KATNIP: variants seen among roughly 807,000 people sequenced by gnomAD.
The protein encoded by KATNIP is katanin-interacting protein.
A neutral mutation model predicts 174.0 loss-of-function variants in KATNIP; 126 were observed. The ratio of observed to expected loss-of-function variants is 0.72; its 90% confidence interval spans 0.63 to 0.84. The LOEUF (loss-of-function observed/expected upper bound fraction) is 0.84, where lower values mean the gene tolerates loss of function less well. Ranked by LOEUF, KATNIP falls within the 40% of genes least tolerant of loss-of-function variation. The pLI, the probability that KATNIP is intolerant of heterozygous loss-of-function variation, is 0.00. For missense variants in KATNIP, 1,958 were observed against 2,109.7 expected, an observed-to-expected ratio of 0.93 and a Z score of 1.41; for synonymous variants, 810 against 835.7, an observed-to-expected ratio of 0.97 and a Z score of 0.53.
intron 13 of KATNIP, among the ~76,000 whole-genome samples, chr16:27,720,887 C>T (rs2080202561): frequency 6.6e-6 from 1 of 152,174 alleles, no homozygotes; most frequent in East Asian, 1.9e-4. Context: ...GAAAAGTCCC[C>T]TGGTTTGGGT....
At chr16:27,651,072 A>G (rs1219363548) in intron 6 of KATNIP, among the ~76,000 whole-genome samples, 1 of 152,162 alleles carries the variant, frequency 6.6e-6, no homozygotes, top group African/African-American at 2.4e-5. Context: ...GCAAGAGGCC[A>G]TGGTAGTTTG....
At chr16:27,608,165 A>T (rs72786404) in intron 2 of KATNIP, among the ~76,000 whole-genome samples, 1 of 150,940 alleles carries the variant, frequency 6.6e-6, no homozygotes, top group Non-Finnish European at 1.5e-5. Context: ...TTGGCATTTC[A>T]TTCCAATTCT....
At chr16:27,628,939 G>A (rs1456815960) in intron 4 of KATNIP, 109 bp downstream of exon 4, 7 of 1,155,458 alleles carry the variant, frequency 6.1e-6, no homozygotes, top group South Asian at 2.8e-5. Flanking sequence ...AGGCTGAGGC[G>A]GGTGGATCAC....
intron 8 of KATNIP, among the ~76,000 whole-genome samples, chr16:27,686,313 G>A (rs2078521801): frequency 6.6e-6 from 1 of 152,154 alleles, no homozygotes; most frequent in African/African-American, 2.4e-5. Flanking sequence ...TATCTTCTAA[G>A]GGAATTGAAC....
intron 6 of KATNIP, among the ~76,000 whole-genome samples, chr16:27,658,614 G>A (rs1276686351): frequency 6.6e-6 from 1 of 152,026 alleles, no homozygotes; most frequent in Non-Finnish European, 1.5e-5. Flanking sequence ...TGGAAGGTGG[G>A]GTCTGCCCTT....
chr16:27,628,839 A>G lies in KATNIP; in HGVS notation c.310+9A>G. The G allele has an allele frequency of 6.2e-7, 1 of 1,613,564 alleles. No homozygotes were observed. The highest frequency in any genetic ancestry group is 8.5e-7 in the Non-Finnish European group (1 of 1,179,730). On this transcript the variant is annotated intron_variant, in intron 4 of 27. Coordinates refer to ENST00000261588, the MANE Select transcript of KATNIP (RefSeq NM_015202.5). ...CACGGAGGGGACACACGGTGAGCAC[A>G]GGCCCTCCAGGCTGAGTCTCAGCTC...
intron 9 of KATNIP, 103 bp from the exon 10 acceptor site, chr16:27,699,431 C>T (rs777816011): frequency 2.0e-5 from 31 of 1,532,214 alleles, no homozygotes; most frequent in African/African-American, 2.7e-5. Context: ...TCTATGGTAG[C>T]TTGAGAAGGT....
rs765324919 is a variant in KATNIP, at chr16:27,704,003, G to A, written c.1389+5G>A. On this transcript the variant is annotated splice_donor_5th_base_variant and intron_variant, in intron 12 of 27. Coordinates refer to ENST00000261588, the MANE Select transcript of KATNIP (RefSeq NM_015202.5). Reference sequence around the variant, plus strand: ...GAGCAAGTATCAGACACAGAGGTGAGAGCCTTGACTTGATTTTCAGTTGTA... The same window carrying A: ...GAGCAAGTATCAGACACAGAGGTGAAAGCCTTGACTTGATTTTCAGTTGTA... 6.2e-7 allele frequency: 1 copy of A among 1,610,970 alleles called. No homozygotes were observed. Among genetic ancestry groups the A allele is most frequent in the Non-Finnish European group, 8.5e-7 (1 of 1,177,100 alleles).
intron 6 of KATNIP, among the ~76,000 whole-genome samples, chr16:27,659,365 C>T (rs2077394761): frequency 6.6e-6 from 1 of 151,882 alleles, no homozygotes; most frequent in Non-Finnish European, 1.5e-5. Context: ...TTAAAATTAG[C>T]TGGGCATGCT....
In KATNIP at chr16:27,616,887, T is replaced by TAAAA. The variant is rs556687403; in HGVS notation, c.64-1503_64-1500dup. On this transcript the variant is annotated intron_variant, in intron 2 of 27. Coordinates refer to ENST00000261588, the MANE Select transcript of KATNIP (RefSeq NM_015202.5). ...CAACATAGTGAGATGCCATCTCTAC[T>TAAAA]AAAAAAAAAAAAAAAAAAAAAAAAA... 4.1e-4 allele frequency among the ~76,000 whole-genome samples: 13 copies of TAAAA among 31,428 alleles called. 2 individuals are homozygous for TAAAA. Among genetic ancestry groups the TAAAA allele is most frequent in the Non-Finnish European group, 5.7e-4 (11 of 19,214 alleles). The allele number at this position is 31,428 out of a possible 152,430, so 20.6% of individuals were successfully genotyped here.
chr16:27,567,670 C>A (rs369286408), intron 1 of KATNIP, among the ~76,000 whole-genome samples: 23 of 152,308 alleles, frequency 1.5e-4, no homozygotes, highest in African/African-American at 3.6e-4. Context: ...ATTACAGGCA[C>A]CTGCCACCAC....
chr16:27,557,017 T>G (rs1191550205), intron 1 of KATNIP, among the ~76,000 whole-genome samples: 1 of 152,192 alleles, frequency 6.6e-6, no homozygotes, highest in Non-Finnish European at 1.5e-5. Flanking sequence ...ATTCATTCCA[T>G]GATTCAACAT....
intron 3 of KATNIP, among the ~76,000 whole-genome samples, chr16:27,627,020 C>G (rs961373444): frequency 6.6e-6 from 1 of 151,476 alleles, no homozygotes; most frequent in Non-Finnish European, 1.5e-5. Flanking sequence ...GTAACTTCTT[C>G]ATATCGTTGA....
intron 6 of KATNIP, among the ~76,000 whole-genome samples, chr16:27,663,342 AT>A (rs892038345): frequency 2.0e-5 from 3 of 149,978 alleles, no homozygotes; most frequent in Non-Finnish European, 3.0e-5. Flanking sequence ...TAGGCTATAC[AT>A]TTTCCTCTGA....
intron 15 of KATNIP, among the ~76,000 whole-genome samples, chr16:27,747,797 CAG>C (rs1340443303): frequency 1.3e-5 from 2 of 152,094 alleles, no homozygotes; most frequent in African/African-American, 2.4e-5. Context: ...CTGAGCGAAA[CAG>C]GGAGAAAATA....
rs374829592 is a variant in KATNIP, at chr16:27,766,398, G to T, written c.3899G>T (p.Arg1300Leu). 27 of 1,614,028 alleles carry T rather than the reference G, an allele frequency of 1.7e-5. No individual in the cohort carries two copies. In the African/African-American group the frequency reaches 1.7e-4, roughly 10 times the overall value. ...SPGLDHVVTIRLDRAESIAGL... is the reference protein window; with the variant it reads ...SPGLDHVVTILLDRAESIAGL... ...GGGCTGGACCATGTGGTCACGATCCGCCTGGACAGGGCCGAAAGCATCGCA... is the reference window on the plus strand; with the variant it reads ...GGGCTGGACCATGTGGTCACGATCCTCCTGGACAGGGCCGAAAGCATCGCA... The change falls in exon 20 of 28, where the codon CGC becomes CTC. Residue 1300 changes from arginine (R) to leucine (L), a missense_variant. This residue lies in a region of KATNIP where 383 missense variants were observed against 456.0 expected (regional missense o/e 0.84). Coordinates refer to ENST00000261588, the MANE Select transcript of KATNIP (RefSeq NM_015202.5).
chr16:27,774,258 G>A (rs2082412514), intron 23 of KATNIP, among the ~76,000 whole-genome samples: 1 of 152,068 alleles, frequency 6.6e-6, no homozygotes, highest in African/African-American at 2.4e-5. Context: ...AATGATTCTT[G>A]ATGTTTTAGA....
At chr16:27,759,592 C>G (rs1443516335) in intron 18 of KATNIP, among the ~76,000 whole-genome samples, 2 of 152,190 alleles carry the variant, frequency 1.3e-5, no homozygotes, top group African/African-American at 4.8e-5. Flanking sequence ...GGGAGGTGGA[C>G]CAGCAGCTGA....
chr16:27,747,829 C>G (rs2081349579), intron 15 of KATNIP, among the ~76,000 whole-genome samples: 1 of 152,106 alleles, frequency 6.6e-6, no homozygotes, highest in Non-Finnish European at 1.5e-5. Flanking sequence ...TTGGAGGGAG[C>G]CACAGGAGCG....
Sources: gnomAD v4.1 joint callset for allele counts (sites outside exome capture counted in the v4.1 genomes callset) on GRCh38, gnomAD v4.1.1 for gene constraint, gnomAD v4.1.1 regional missense constraint, MANE v1.5 for transcripts, NCBI Gene and HGNC (gene_info 2026-07-23, HGNC 2026-07-21) for gene names.